The following COMMD1 variants were observed in gnomAD, a reference collection of about 807,000 sequenced individuals.
COMMD1 encodes the protein COMM domain-containing protein 1.
In COMMD1, 10 loss-of-function variants were observed where a neutral mutation model predicts 17.2. The ratio of observed to expected loss-of-function variants is 0.58; its 90% CI spans 0.36 to 0.99. The LOEUF (loss-of-function observed/expected upper bound fraction) is 0.99, where lower values mean the gene tolerates loss of function less well. COMMD1 is among the 50% of genes least tolerant of loss of function. The pLI is 0.01. For missense variants in COMMD1, 270 were observed against 231.8 expected (o/e 1.17, Z -1.07); for synonymous variants, 97 against 91.6 (o/e 1.06, Z -0.34).
chr2:62,090,481 A>C, intron 2 of COMMD1, among the ~76,000 whole-genome samples: 1 of 152,210 alleles, frequency 6.6e-6, no homozygotes, highest in East Asian at 1.9e-4. Context: ...TAACATCCTG[A>C]GGAGGGTATA....
chr2:61,909,217 C>T (rs180827675), intron 1 of COMMD1, among the ~76,000 whole-genome samples: 10 of 152,286 alleles, frequency 6.6e-5, no homozygotes, highest in Non-Finnish European at 1.5e-4. Context: ...TGAGCCACCG[C>T]GCCTGGCACA....
chr2:61,946,864 C>T (rs958057014), intron 1 of COMMD1, among the ~76,000 whole-genome samples: 1 of 152,260 alleles, frequency 6.6e-6, no homozygotes, highest in Non-Finnish European at 1.5e-5. Context: ...ACCTCTTAAA[C>T]AACTACAAAA....
chr2:61,929,707 G>A (rs1416481928), intron 1 of COMMD1, among the ~76,000 whole-genome samples: 2 of 152,154 alleles, frequency 1.3e-5, no homozygotes, highest in Non-Finnish European at 2.9e-5. Flanking sequence ...CAAGGCAGGA[G>A]GATCACTTGA....
At chr2:62,031,425 A>G (rs1474192320) in intron 2 of COMMD1, among the ~76,000 whole-genome samples, 2 of 152,220 alleles carry the variant, frequency 1.3e-5, no homozygotes, top group East Asian at 1.9e-4. Flanking sequence ...TACTTTTTCT[A>G]TCCCATTAAT....
At chr2:62,041,824 G>A (rs1358417758) in intron 2 of COMMD1, among the ~76,000 whole-genome samples, 2 of 152,186 alleles carry the variant, frequency 1.3e-5, no homozygotes, top group Non-Finnish European at 1.5e-5. Flanking sequence ...TCGTGGTCTC[G>A]CTGGCTTCAG....
chr2:62,051,264 A>C (rs1469586701), intron 2 of COMMD1, among the ~76,000 whole-genome samples: 1 of 152,142 alleles, frequency 6.6e-6, no homozygotes, highest in African/African-American at 2.4e-5. Flanking sequence ...GGTTACTATT[A>C]TTATTTTAAA....
intron 2 of COMMD1, among the ~76,000 whole-genome samples, chr2:62,016,370 G>T (rs1054317460): frequency 6.6e-6 from 1 of 151,142 alleles, no homozygotes; most frequent in Non-Finnish European, 1.5e-5. Flanking sequence ...TACCATGCCT[G>T]GTTAATTTTT....
At chr2:62,035,729 G>T (rs1416565606) in intron 2 of COMMD1, among the ~76,000 whole-genome samples, 1 of 130,666 alleles carries the variant, frequency 7.7e-6, no homozygotes, top group Non-Finnish European at 1.6e-5. Context: ...AACAGAGTGA[G>T]ACTCTGTCTC....
chr2:62,055,842 G>C (rs1012457341), intron 2 of COMMD1, among the ~76,000 whole-genome samples: 1 of 152,148 alleles, frequency 6.6e-6, no homozygotes, highest in Non-Finnish European at 1.5e-5. Context: ...GGATATTGAG[G>C]CACAATTGAT....
chr2:61,897,229 C>T (rs1669568295), intron 1 of COMMD1, among the ~76,000 whole-genome samples: 1 of 152,160 alleles, frequency 6.6e-6, no homozygotes, highest in African/African-American at 2.4e-5. Flanking sequence ...GTCACTTCTC[C>T]ATGATTAACT....
chr2:62,026,637 C>A (rs140689054), intron 2 of COMMD1, among the ~76,000 whole-genome samples: 89 of 152,250 alleles, frequency 5.8e-4, no homozygotes, highest in African/African-American at 2.0e-3. Context: ...CCCCTTGATA[C>A]CAAAGCCACT....
At chr2:62,109,919 C>CTTTTTT (rs11345736) in intron 2 of COMMD1, among the ~76,000 whole-genome samples, 123 of 73,824 alleles carry the variant, frequency 1.7e-3, no homozygotes, top group East Asian at 3.6e-3. Context: ...TTATCTTGAT[C>CTTTTTT]TTTTTTTTTT....
intron 2 of COMMD1, among the ~76,000 whole-genome samples, chr2:62,075,330 T>C (rs979436586): frequency 1.3e-5 from 2 of 152,204 alleles, no homozygotes; most frequent in African/African-American, 4.8e-5. Flanking sequence ...AGTAATTGGC[T>C]AAGGTGGAAT....
chr2:61,943,213 A>G (rs1670799195), intron 1 of COMMD1, among the ~76,000 whole-genome samples: 1 of 152,228 alleles, frequency 6.6e-6, no homozygotes, highest in Non-Finnish European at 1.5e-5. Context: ...GTGCGCAAGA[A>G]CAGACCTATA....
chr2:61,913,526 G>A (rs6745173), intron 1 of COMMD1, among the ~76,000 whole-genome samples: 17,559 of 151,190 alleles, frequency 0.12, 2,385 homozygotes, highest in African/African-American at 0.33. Context: ...TCTACTAAAA[G>A]TTGGCTCTAC....
chr2:62,066,758 C>G (rs1558584405), intron 2 of COMMD1, among the ~76,000 whole-genome samples: 3 of 151,226 alleles, frequency 2.0e-5, no homozygotes, highest in Admixed American at 1.3e-4. Context: ...CACAGTCTTG[C>G]TCTGTCACCC....
chr2:61,991,427 T>C (rs1339480828), intron 1 of COMMD1, among the ~76,000 whole-genome samples: 2 of 152,208 alleles, frequency 1.3e-5, no homozygotes, highest in Non-Finnish European at 2.9e-5. Context: ...TGAATTCTAC[T>C]TCAAGGTGTT....
intron 2 of COMMD1, among the ~76,000 whole-genome samples, chr2:62,014,030 A>G (rs1464600542): frequency 6.6e-6 from 1 of 152,220 alleles, no homozygotes; most frequent in Non-Finnish European, 1.5e-5. Flanking sequence ...GTTTCTTATG[A>G]TGTGCCCTTT....
chr2:61,928,986 G>GGGTAA (rs1468408641), intron 1 of COMMD1, among the ~76,000 whole-genome samples: 2 of 152,224 alleles, frequency 1.3e-5, no homozygotes, highest in African/African-American at 4.8e-5. Flanking sequence ...CATGAGGGAA[G>GGGTAA]GGTAAGGGAA....
Sources: allele counts gnomAD v4.1 joint callset (sites outside exome capture counted in the v4.1 genomes callset), GRCh38; gene constraint gnomAD v4.1.1; transcripts MANE v1.5; gene names NCBI Gene and HGNC (gene_info 2026-07-23, HGNC 2026-07-21).